The following DCLK1 variants were observed in gnomAD, a reference collection of about 807,000 sequenced individuals.
The protein encoded by DCLK1 is serine/threonine-protein kinase DCLK1.
In DCLK1, 16 loss-of-function variants were observed where a neutral mutation model predicts 86.2. The observed-to-expected ratio is 0.19, with a 90% CI of 0.13 to 0.28. DCLK1 has a LOEUF of 0.28. Ranked by LOEUF, DCLK1 falls within the 10% of genes least tolerant of loss-of-function variation. DCLK1 has a pLI of 1.00. For synonymous variants in DCLK1, 369 were observed against 370.5 expected (o/e 1.00, Z 0.05); for missense variants, 590 against 940.2 (o/e 0.63, Z 4.87).
chr13:35,949,825 G>GTTTTTT (rs34920645), intron 3 of DCLK1, among the ~76,000 whole-genome samples: 2 of 130,702 alleles, frequency 1.5e-5, no homozygotes. Flanking sequence ...ATCTTGGGCA[G>GTTTTTT]TTTTTTTTTT....
intron 4 of DCLK1, among the ~76,000 whole-genome samples, chr13:35,904,293 G>A (rs1320983449): frequency 6.6e-6 from 1 of 152,170 alleles, no homozygotes; most frequent in African/African-American, 2.4e-5. Flanking sequence ...TTGGCCCACT[G>A]CAATCTCCGC....
intron 11 of DCLK1, among the ~76,000 whole-genome samples, chr13:35,821,406 G>C (rs947239207): frequency 6.6e-6 from 1 of 152,082 alleles, no homozygotes; most frequent in Non-Finnish European, 1.5e-5. Flanking sequence ...TCTGCAAGCT[G>C]TCATCAGTCA....
At chr13:35,972,383 A>T (rs1170865878) in intron 3 of DCLK1, among the ~76,000 whole-genome samples, 5 of 152,140 alleles carry the variant, frequency 3.3e-5, no homozygotes, top group Non-Finnish European at 7.4e-5. Flanking sequence ...TTGACTGCTT[A>T]CTAAGTGCTC....
intron 3 of DCLK1, among the ~76,000 whole-genome samples, chr13:35,985,829 T>C (rs56069628): frequency 0.027 from 4,096 of 152,336 alleles, 180 homozygotes; most frequent in African/African-American, 0.093. Context: ...CTAAGATTGA[T>C]GCTTGTTCCC....
intron 4 of DCLK1, among the ~76,000 whole-genome samples, chr13:35,896,201 T>C (rs1873969694): frequency 6.6e-6 from 1 of 152,104 alleles, no homozygotes; most frequent in Non-Finnish European, 1.5e-5. Context: ...GCTTAGACTG[T>C]ATATAGAACA....
intron 4 of DCLK1, among the ~76,000 whole-genome samples, chr13:35,876,040 CAGACAA>C (rs543468635): frequency 1.7e-3 from 257 of 152,230 alleles, no homozygotes; most frequent in African/African-American, 5.8e-3. Flanking sequence ...TGGTCAGGGG[CAGACAA>C]ATGGGTGATG....
intron 2 of DCLK1, among the ~76,000 whole-genome samples, chr13:36,119,867 G>A (rs1363816685): frequency 6.6e-6 from 1 of 152,208 alleles, no homozygotes; most frequent in Non-Finnish European, 1.5e-5. Context: ...TTCAACTACT[G>A]TATTGTACCA....
At chr13:35,886,003 G>T (rs1041863560) in intron 4 of DCLK1, among the ~76,000 whole-genome samples, 11 of 140,654 alleles carry the variant, frequency 7.8e-5, no homozygotes, top group Non-Finnish European at 1.4e-4. Flanking sequence ...GGCTGAATAG[G>T]TTCCTTTTTT....
At chr13:35,779,207 C>T (rs940486986) in intron 16 of DCLK1, among the ~76,000 whole-genome samples, 1 of 152,054 alleles carries the variant, frequency 6.6e-6, no homozygotes, top group Non-Finnish European at 1.5e-5. Context: ...AACTCCTGAC[C>T]TCAGGTGATC....
chr13:35,793,864 T>G (rs191276044), intron 15 of DCLK1, among the ~76,000 whole-genome samples: 1 of 152,292 alleles, frequency 6.6e-6, no homozygotes, highest in East Asian at 1.9e-4. Context: ...TTTTTTTTCC[T>G]CTTAACCCAT....
chr13:35,815,923 G>A (rs568938781), intron 11 of DCLK1, among the ~76,000 whole-genome samples: 1 of 152,244 alleles, frequency 6.6e-6, no homozygotes, highest in East Asian at 1.9e-4. Flanking sequence ...AGTCAGAAGA[G>A]AGGTAATTAA....
chr13:35,950,166 A>G (rs1399807882), intron 3 of DCLK1, among the ~76,000 whole-genome samples: 1 of 152,242 alleles, frequency 6.6e-6, no homozygotes, highest in Non-Finnish European at 1.5e-5. Context: ...CAACTTTATA[A>G]AACCGCTCCT....
intron 3 of DCLK1, among the ~76,000 whole-genome samples, chr13:36,005,035 T>G (rs1163887227): frequency 6.6e-6 from 1 of 152,164 alleles, no homozygotes; most frequent in Admixed American, 6.5e-5. Context: ...AGCATGAAAC[T>G]AATACAAAGA....
chr13:35,776,462 T>C (rs1169277864), intron 16 of DCLK1, among the ~76,000 whole-genome samples: 3 of 152,332 alleles, frequency 2.0e-5, no homozygotes, highest in Middle Eastern at 6.8e-3. Context: ...GAATTCTGAC[T>C]TGTGAACAGA....
At chr13:35,930,603 CA>C (rs1876376746) in intron 4 of DCLK1, among the ~76,000 whole-genome samples, 1 of 151,692 alleles carries the variant, frequency 6.6e-6, no homozygotes, top group Admixed American at 6.6e-5. Context: ...CCATCTCAAA[CA>C]AACAAACAAA....
Position 36,112,107 on chromosome 13 carries a change from G to A in DCLK1, c.485C>T (p.Ala162Val). The A allele has an allele frequency of 6.2e-7, 1 of 1,614,016 alleles. No homozygotes were observed. The highest frequency in any genetic ancestry group is 8.5e-7 in the Non-Finnish European group (1 of 1,179,928). The part of the protein sequence containing the change: ...VNVKTTSASR[A>V]VSSLATAKGS... Reference sequence around the variant, plus strand: ...TTTGGCAGTGGCCAGTGAAGACACTGCCCGAGAAGCCGAGGTGGTCTTGAC... The same window carrying A: ...TTTGGCAGTGGCCAGTGAAGACACTACCCGAGAAGCCGAGGTGGTCTTGAC... Residue 162 changes from alanine to valine, a missense_variant, in exon 3 of 17, where the codon GCA (alanine) becomes GTA (valine). Transcript: ENST00000360631.
chr13:35,827,630 C>T lies in DCLK1; in HGVS notation c.1407+5G>A. On this transcript the variant is annotated splice_donor_5th_base_variant and intron_variant, in intron 10 of 16. Coordinates refer to ENST00000360631, the MANE Select transcript of DCLK1 (RefSeq NM_001330071.2). The stretch of plus-strand genomic sequence containing the variant: ...AAAGACTTACTTTCTTTCCAAAATA[C>T]ACACCTTTACTAATTCCATGACAAG... 6.2e-7 allele frequency: 1 copy of T among 1,613,798 alleles called. No individual in the cohort carries two copies. The highest frequency in any genetic ancestry group is 1.1e-5 in the South Asian group (1 of 91,070).
At chr13:35,859,067 G>C (rs1158316893) in intron 5 of DCLK1, among the ~76,000 whole-genome samples, 6 of 150,862 alleles carry the variant, frequency 4.0e-5, no homozygotes, top group African/African-American at 1.5e-4. Flanking sequence ...GTTTCTAAGT[G>C]CCATAACAAG....
At chr13:36,108,550 A>G (rs1885488174) in intron 3 of DCLK1, among the ~76,000 whole-genome samples, 1 of 152,240 alleles carries the variant, frequency 6.6e-6, no homozygotes, top group Admixed American at 6.5e-5. Flanking sequence ...GATATTAAAC[A>G]GCAGGCTCCG....
Sources: gnomAD v4.1 joint callset for allele counts (sites outside exome capture counted in the v4.1 genomes callset) on GRCh38, gnomAD v4.1.1 for gene constraint, MANE v1.5 for transcripts, NCBI Gene and HGNC (gene_info 2026-07-23, HGNC 2026-07-21) for gene names.